PRRC2C: variants seen among roughly 807,000 people sequenced by gnomAD.
PRRC2C encodes the protein protein PRRC2C.
PRRC2C carries 72 observed loss-of-function variants against 317.2 expected under a neutral mutation model. That is an observed-to-expected ratio of 0.23 (90% CI 0.19 to 0.28). The LOEUF (loss-of-function observed/expected upper bound fraction) is 0.28, where lower values mean the gene tolerates loss of function less well. PRRC2C is among the 10% of genes least tolerant of loss of function. The pLI is 1.00. For synonymous variants in PRRC2C, 1,296 were observed against 1,205.9 expected (o/e 1.07, Z -1.55); for missense variants, 3,074 against 3,459.7 (o/e 0.89, Z 2.80).
chr1:171,502,176 T>A (rs1669222374), intron 1 of PRRC2C, among the ~76,000 whole-genome samples: 1 of 152,246 alleles, frequency 6.6e-6, no homozygotes, highest in Non-Finnish European at 1.5e-5. Flanking sequence ...TGATTTCATC[T>A]CCTGCCTGTC....
At chr1:171,499,995 A>T (rs1210098018) in intron 1 of PRRC2C, among the ~76,000 whole-genome samples, 2 of 152,204 alleles carry the variant, frequency 1.3e-5, no homozygotes, top group Admixed American at 6.5e-5. Flanking sequence ...ATGTTCTGTA[A>T]AACACTTGTA....
intron 1 of PRRC2C, among the ~76,000 whole-genome samples, chr1:171,486,775 T>G (rs986846621): frequency 2.0e-5 from 3 of 152,138 alleles, no homozygotes; most frequent in Non-Finnish European, 4.4e-5. Flanking sequence ...GTTGAGTACT[T>G]AATAGCTTAC....
chr1:171,588,305 A>G, intron 32 of PRRC2C, 74 bp from the exon 33 acceptor site: 1 of 1,501,340 alleles, frequency 6.7e-7, no homozygotes, highest in African/African-American at 1.4e-5. Flanking sequence ...AATACCAAGA[A>G]CGGTGTTTGC....
At chr1:171,542,571 T>TA (rs1021381116) in intron 16 of PRRC2C, among the ~76,000 whole-genome samples, 3 of 152,202 alleles carry the variant, frequency 2.0e-5, no homozygotes, top group Non-Finnish European at 4.4e-5. Context: ...TTTCTCCTAA[T>TA]AAACCTCTAA....
chr1:171,580,932 T>G (rs1648422661), intron 28 of PRRC2C, among the ~76,000 whole-genome samples: 1 of 152,226 alleles, frequency 6.6e-6, no homozygotes, highest in Admixed American at 6.5e-5. Context: ...AGATTAAACC[T>G]GTCATCAGTT....
chr1:171,557,177 CA>C, intron 18 of PRRC2C, 62 bp from the exon 19 acceptor site: 1 of 1,463,858 alleles, frequency 6.8e-7, no homozygotes, highest in Non-Finnish European at 9.0e-7. Flanking sequence ...TTAAAAGTTG[CA>C]TTTATGAACT....
At chr1:171,565,967 G>C (rs1183558381) in intron 20 of PRRC2C, among the ~76,000 whole-genome samples, 1 of 152,188 alleles carries the variant, frequency 6.6e-6, no homozygotes, top group Non-Finnish European at 1.5e-5. Flanking sequence ...GAAACAACTT[G>C]AAGCTGTGCT....
intron 1 of PRRC2C, chr1:171,510,040 CG>C (rs1435981590): frequency 6.6e-6 from 1 of 151,352 alleles, no homozygotes; most frequent in Non-Finnish European, 1.5e-5. Flanking sequence ...TTAGTAGAGA[CG>C]GGGTTTCACC....
chr1:171,539,942 A>G (rs529278698), intron 15 of PRRC2C, 29 bp from the exon 16 acceptor site: 3 of 1,544,190 alleles, frequency 1.9e-6, no homozygotes, highest in Non-Finnish European at 2.6e-6. Flanking sequence ...TGCTTTGTTG[A>G]TTATACCTTT....
chr1:171,532,946 A>G lies in PRRC2C; in HGVS notation c.1858A>G (p.Asn620Asp). ...EPMVEKQESE[N>D]SCNKEEEPVF... ...CATGGTAGAAAAACAAGAAAGTGAA[A>G]ACAGCTGTAATAAAGGTTTGATAGT... Residue 620 changes from asparagine (N) to aspartate (D), a missense_variant, in exon 12 of 35, where the codon AAC (asparagine) becomes GAC (aspartate). This residue lies in a region of PRRC2C where 1,320 missense variants were observed against 1,395.7 expected (regional missense o/e 0.95). Coordinates refer to ENST00000647382, the MANE Select transcript of PRRC2C (RefSeq NM_001387844.1). 2 of 1,555,062 alleles carry G rather than the reference A, an allele frequency of 1.3e-6. No individual in the cohort carries two copies. The highest frequency in any genetic ancestry group is 1.7e-6 in the Non-Finnish European group (2 of 1,162,116).
Position 171,540,447 on chromosome 1 carries a change from G to A in PRRC2C, c.2981G>A (p.Arg994His), listed in dbSNP as rs368272659. 1.9e-5 allele frequency: 31 copies of A among 1,612,866 alleles called. No homozygotes were observed. Among genetic ancestry groups the A allele is most frequent in the South Asian group, 1.3e-4 (12 of 90,938 alleles). Residue 994 changes from arginine (R) to histidine (H), a missense_variant, in exon 16 of 35, where the codon CGT becomes CAT. By Grantham distance (29) the Arg-to-His change is conservative (BLOSUM62 0). Around this residue, in one of 11 missense-constraint regions of PRRC2C, gnomAD observed 1,320 missense variants for 1,395.7 expected, o/e 0.95. Transcript: ENST00000647382. ...GTATATAAATCTAAATCAGAAACTC[G>A]TTGGGGCCCACGACCAAGCTCTAAC... ...EKVYKSKSET[R>H]WGPRPSSNRR...
Position 171,514,578 on chromosome 1 carries a change from A to C in PRRC2C, c.333A>C (p.Ala111=), listed in dbSNP as rs1055417. Residue 111 remains alanine, a synonymous_variant, in exon 4 of 35, where the codon GCA becomes GCC. Coordinates refer to ENST00000647382, the MANE Select transcript of PRRC2C (RefSeq NM_001387844.1). ...VPPAQPKPGV[A]APPEVAPAPK... ...CAGCACAGCCAAAACCTGGGGTTGC[A>C]GCTCCCCCAGAAGTAGCACCTGCTC... is the stretch of plus-strand genomic sequence containing the variant. 253,484 of 1,560,068 alleles carry C rather than the reference A, an allele frequency of 0.16. 21,972 individuals carry two copies. Among genetic ancestry groups the C allele is most frequent in the Middle Eastern group, 0.28 (1,652 of 6,002 alleles).
chr1:171,539,843 A>G, intron 15 of PRRC2C, 128 bp from the exon 16 acceptor site: 3 of 847,066 alleles, frequency 3.5e-6, no homozygotes, highest in Non-Finnish European at 5.4e-6. Flanking sequence ...CTTTTTATAT[A>G]GCGAGAGAAA....
At chr1:171,498,955 A>G (rs563272201) in intron 1 of PRRC2C, among the ~76,000 whole-genome samples, 2 of 151,814 alleles carry the variant, frequency 1.3e-5, no homozygotes, top group Admixed American at 6.6e-5. Flanking sequence ...CTATAAACAT[A>G]CTCTACCATA....
intron 1 of PRRC2C, among the ~76,000 whole-genome samples, chr1:171,497,105 T>G (rs958197624): frequency 6.6e-6 from 1 of 152,176 alleles, no homozygotes; most frequent in Non-Finnish European, 1.5e-5. Flanking sequence ...CATTTGTTAA[T>G]AGAGATGTTG....
intron 15 of PRRC2C, among the ~76,000 whole-genome samples, chr1:171,537,714 G>A (rs1014393749): frequency 6.6e-6 from 1 of 151,998 alleles, no homozygotes; most frequent in Non-Finnish European, 1.5e-5. Context: ...AAATTGGTAG[G>A]TTCTTTTTTG....
chr1:171,500,467 T>C (rs191368336), intron 1 of PRRC2C, among the ~76,000 whole-genome samples: 2 of 152,156 alleles, frequency 1.3e-5, no homozygotes, highest in Admixed American at 6.5e-5. Flanking sequence ...GGTGCAATCA[T>C]AGCTCACTGC....
At chr1:171,495,490 C>A (rs1311948908) in intron 1 of PRRC2C, among the ~76,000 whole-genome samples, 1 of 152,094 alleles carries the variant, frequency 6.6e-6, no homozygotes, top group Non-Finnish European at 1.5e-5. Context: ...ATATCCAGGC[C>A]AAATTATTTC....
At chr1:171,552,016 G>A (rs537389008) in intron 18 of PRRC2C, among the ~76,000 whole-genome samples, 8 of 152,352 alleles carry the variant, frequency 5.3e-5, no homozygotes, top group East Asian at 1.9e-4. Flanking sequence ...TTGGTAGCTT[G>A]ATGGAGATGG....
Sources: gnomAD v4.1 joint callset for allele counts (sites outside exome capture counted in the v4.1 genomes callset) on GRCh38, gnomAD v4.1.1 for gene constraint, gnomAD v4.1.1 regional missense constraint, MANE v1.5 for transcripts, NCBI Gene and HGNC (gene_info 2026-07-23, HGNC 2026-07-21) for gene names.